The following SNX29 variants were observed in gnomAD, a reference collection of about 807,000 sequenced individuals.
The protein encoded by SNX29 is sorting nexin-29.
Under a neutral mutation model 102.1 loss-of-function variants are expected in SNX29, and 78 were observed. The ratio of observed to expected loss-of-function variants is 0.76; its 90% confidence interval spans 0.64 to 0.92. SNX29 has a LOEUF of 0.92. SNX29 is among the 40% of genes least tolerant of loss of function. The pLI is 0.00. For missense variants in SNX29, 1,280 were observed against 1,061.7 expected, an observed-to-expected ratio of 1.21 and a Z score of -2.86; for synonymous variants, 580 against 414.5, an observed-to-expected ratio of 1.40 and a Z score of -4.85.
intron 14 of SNX29, among the ~76,000 whole-genome samples, chr16:12,206,039 A>G (rs1449041319): frequency 1.3e-5 from 2 of 152,104 alleles, no homozygotes; most frequent in Admixed American, 1.3e-4. Flanking sequence ...CACCCAAATA[A>G]TGTGCATCAC....
chr16:12,351,926 A>G (rs922988602), intron 15 of SNX29, among the ~76,000 whole-genome samples: 1 of 152,180 alleles, frequency 6.6e-6, no homozygotes, highest in Non-Finnish European at 1.5e-5. Context: ...AACAGCGGGC[A>G]GGGGAGTAGT....
intron 14 of SNX29, among the ~76,000 whole-genome samples, chr16:12,240,011 T>C (rs1393757287): frequency 1.3e-5 from 2 of 152,250 alleles, no homozygotes; most frequent in African/African-American, 4.8e-5. Context: ...ATTTAGATCA[T>C]TCTAGGTAAA....
intron 1 of SNX29, among the ~76,000 whole-genome samples, chr16:11,985,913 A>C (rs1042440619): frequency 6.6e-6 from 1 of 150,482 alleles, no homozygotes; most frequent in African/African-American, 2.4e-5. Context: ...GCTCACTGCA[A>C]CCTCTGTCTC....
chr16:12,564,800 G>C (rs534796673), intron 20 of SNX29, among the ~76,000 whole-genome samples: 1 of 151,780 alleles, frequency 6.6e-6, no homozygotes, highest in Admixed American at 6.6e-5. Context: ...AAATGGTGTT[G>C]TCATTCCAGA....
chr16:12,500,975 G>A (rs1231936089), intron 19 of SNX29, among the ~76,000 whole-genome samples: 1 of 152,212 alleles, frequency 6.6e-6, no homozygotes, highest in Non-Finnish European at 1.5e-5. Context: ...TGGGCAGAGT[G>A]ACTGTGTGTT....
At position 12,061,632 on chromosome 16, in the gene SNX29, C is replaced by T; in HGVS notation, c.1229C>T (p.Ser410Phe). 6.2e-7 allele frequency: 1 copy of T among 1,611,240 alleles called. No individual in the cohort carries two copies. Residue 410 changes from serine to phenylalanine, a missense_variant, in exon 9 of 21, where the codon TCC becomes TTC. Transcript: ENST00000566228. ...CTCTTCCCTGTCAGTGGCGTGGGCT[C>T]CTACAGCCCAGCAGGTGGGTGTCTC... ...DILFPVSGVG[S>F]YSPADAPLGS... is the part of the protein sequence containing the mutation.
intron 14 of SNX29, among the ~76,000 whole-genome samples, chr16:12,233,567 T>A (rs1180846307): frequency 6.6e-6 from 1 of 152,132 alleles, no homozygotes; most frequent in African/African-American, 2.4e-5. Flanking sequence ...AAACCTTCAC[T>A]TGTACCCCCG....
chr16:12,361,201 C>T (rs1404511791), intron 16 of SNX29, among the ~76,000 whole-genome samples: 2 of 152,174 alleles, frequency 1.3e-5, no homozygotes, highest in Non-Finnish European at 2.9e-5. Context: ...GAAGGTGGGC[C>T]AGCCTCTCTG....
intron 20 of SNX29, among the ~76,000 whole-genome samples, chr16:12,555,283 G>C (rs1024233663): frequency 6.6e-6 from 1 of 151,576 alleles, no homozygotes; most frequent in African/African-American, 2.4e-5. Flanking sequence ...CTCCCAGAGA[G>C]CAGGGGTGCT....
intron 3 of SNX29, among the ~76,000 whole-genome samples, chr16:12,004,779 C>G (rs2056400961): frequency 1.3e-5 from 2 of 152,210 alleles, no homozygotes; most frequent in South Asian, 2.1e-4. Flanking sequence ...GAAACTGGCA[C>G]AGATTTAAAA....
Position 12,077,919 on chromosome 16 carries a change from C to A in SNX29, c.1320-914C>A, listed in dbSNP as rs569212238. Among the ~76,000 whole-genome samples the A allele has an allele frequency of 2.0e-5, 3 of 152,212 alleles. No individual in the cohort carries two copies. In the East Asian group the frequency reaches 5.8e-4, roughly 30 times the overall value. ...TACAGGCATGAGCCACCACACCTGG[C>A]CTGGTCACAGCATTTTTATCAACTG... On this transcript the variant is annotated intron_variant, in intron 10 of 20. Coordinates refer to ENST00000566228, the MANE Select transcript of SNX29 (RefSeq NM_032167.5).
At chr16:12,350,957 G>A (rs761072307) in intron 15 of SNX29, among the ~76,000 whole-genome samples, 22 of 152,272 alleles carry the variant, frequency 1.4e-4, no homozygotes, top group Middle Eastern at 3.4e-3. Flanking sequence ...CAGTACAAAT[G>A]AATTGTCCTT....
intron 18 of SNX29, among the ~76,000 whole-genome samples, chr16:12,453,453 C>G (rs1424731532): frequency 6.6e-6 from 1 of 152,172 alleles, no homozygotes; most frequent in Non-Finnish European, 1.5e-5. Flanking sequence ...ATGCAGATGC[C>G]TAATGCCTAC....
At chr16:12,489,676 G>A (rs894761424) in intron 19 of SNX29, among the ~76,000 whole-genome samples, 1 of 152,206 alleles carries the variant, frequency 6.6e-6, no homozygotes, top group Non-Finnish European at 1.5e-5. Flanking sequence ...TCTACAGGGA[G>A]GAAGCACTCA....
chr16:12,095,452 C>T (rs571574711), intron 11 of SNX29: 3 of 152,202 alleles, frequency 2.0e-5, no homozygotes, highest in Admixed American at 6.6e-5. Flanking sequence ...GCGCGGTACC[C>T]CTTTCAGTGG....
chr16:12,022,767 T>C (rs1341342169), intron 3 of SNX29, among the ~76,000 whole-genome samples: 2 of 152,206 alleles, frequency 1.3e-5, no homozygotes, highest in Non-Finnish European at 2.9e-5. Flanking sequence ...TTAAGGACTG[T>C]CTGTATTTAC....
intron 15 of SNX29, among the ~76,000 whole-genome samples, chr16:12,337,745 G>C (rs1346274857): frequency 2.0e-5 from 3 of 152,194 alleles, no homozygotes; most frequent in Non-Finnish European, 4.4e-5. Context: ...TGATGGCGTG[G>C]TTTCCCTGGC....
At chr16:12,116,344 G>T (rs979059249) in intron 11 of SNX29, among the ~76,000 whole-genome samples, 1 of 152,184 alleles carries the variant, frequency 6.6e-6, no homozygotes, top group African/African-American at 2.4e-5. Context: ...ACAAATTGTG[G>T]CATATCCATA....
chr16:12,242,597 TTCTCTTCTTCTTCTCTTCTTCC>T (rs1359898181), intron 14 of SNX29, among the ~76,000 whole-genome samples: 4 of 151,444 alleles, frequency 2.6e-5, no homozygotes, highest in African/African-American at 9.7e-5. Flanking sequence ...TCTCTTCTTC[TTCTCTTCTTCTTCTCTTCTTCC>T]TCTCTTCTTC....
Sources: allele counts gnomAD v4.1 joint callset (sites outside exome capture counted in the v4.1 genomes callset), GRCh38; gene constraint gnomAD v4.1.1; transcripts MANE v1.5; gene names NCBI Gene and HGNC (gene_info 2026-07-23, HGNC 2026-07-21).